IL1RAPL1: variants seen among roughly 807,000 people sequenced by gnomAD.
The protein encoded by IL1RAPL1 is interleukin-1 receptor accessory protein-like 1.
Under a neutral mutation model 48.4 loss-of-function variants are expected in IL1RAPL1, and 3 were observed. The ratio of observed to expected loss-of-function variants is 0.06; its 90% CI spans 0.03 to 0.16. IL1RAPL1 has a LOEUF of 0.16. Among genes scored for constraint, IL1RAPL1 ranks in the 10% least tolerant of loss-of-function variants. The probability of loss-of-function intolerance (pLI) is 1.00; values close to 1 mark genes in which losing one functional copy is unlikely to be tolerated. For synonymous variants in IL1RAPL1, 185 were observed against 187.7 expected (o/e 0.99, Z 0.12); for missense variants, 349 against 530.6 (o/e 0.66, Z 3.36).
At chrX:29,717,740 T>C (rs1356044729) in intron 6 of IL1RAPL1, among the ~76,000 whole-genome samples, 2 of 112,262 alleles carry the variant, frequency 1.8e-5, no homozygotes, top group Admixed American at 1.9e-4. Flanking sequence ...CAAAACCATA[T>C]GGCCCACAAA....
chrX:28,833,422 C>A (rs1842879), intron 2 of IL1RAPL1, among the ~76,000 whole-genome samples: 11,301 of 111,249 alleles, frequency 0.1, 472 homozygotes, highest in Middle Eastern at 0.26. Flanking sequence ...AGTGGCTGAG[C>A]TAATTTACAT....
chrX:29,799,278 A>G (rs1006537893), intron 6 of IL1RAPL1, among the ~76,000 whole-genome samples: 2 of 112,501 alleles, frequency 1.8e-5, no homozygotes, highest in African/African-American at 6.4e-5. Context: ...TTGAATAGCC[A>G]TAAGAGCTTT....
chrX:28,663,986 C>T (rs1258849822), intron 1 of IL1RAPL1, among the ~76,000 whole-genome samples: 2 of 112,113 alleles, frequency 1.8e-5, no homozygotes, highest in African/African-American at 6.5e-5. Flanking sequence ...GCATACATAT[C>T]ACTTTGCATC....
At chrX:28,897,419 G>C (rs890882515) in intron 2 of IL1RAPL1, among the ~76,000 whole-genome samples, 4 of 111,746 alleles carry the variant, frequency 3.6e-5, no homozygotes, top group Admixed American at 2.8e-4. Context: ...GATAAAACGC[G>C]TCTCCTGTCT....
chrX:29,681,618 A>G (rs1926452944), intron 6 of IL1RAPL1, among the ~76,000 whole-genome samples: 1 of 111,950 alleles, frequency 8.9e-6, no homozygotes, highest in African/African-American at 3.2e-5. Context: ...TTTCCACTGG[A>G]TATATGTTTG....
intron 1 of IL1RAPL1, among the ~76,000 whole-genome samples, chrX:28,605,085 A>G (rs953384803): frequency 3.6e-5 from 4 of 111,454 alleles, no homozygotes; most frequent in Non-Finnish European, 1.9e-5. Flanking sequence ...CTTTGCTGGG[A>G]AAATGCTCCA....
intron 6 of IL1RAPL1, among the ~76,000 whole-genome samples, chrX:29,856,981 A>G (rs138605496): frequency 9.0e-6 from 1 of 111,429 alleles, no homozygotes; most frequent in East Asian, 2.8e-4. Context: ...AAAGATTTGA[A>G]AATTATAGCT....
At chrX:29,216,405 G>A (rs1602116648) in intron 2 of IL1RAPL1, among the ~76,000 whole-genome samples, 1 of 110,432 alleles carries the variant, frequency 9.1e-6, no homozygotes, top group Admixed American at 9.7e-5. Flanking sequence ...ATGTTGCCTA[G>A]GCTGGTCTCA....
intron 6 of IL1RAPL1, among the ~76,000 whole-genome samples, chrX:29,894,515 T>C (rs971684195): frequency 1.5e-4 from 17 of 112,376 alleles, no homozygotes; most frequent in Admixed American, 1.0e-3. Flanking sequence ...AACGTTTTAC[T>C]TACTTTTTCA....
chrX:29,876,154 C>A (rs1412724154), intron 6 of IL1RAPL1, among the ~76,000 whole-genome samples: 1 of 111,572 alleles, frequency 9.0e-6, no homozygotes, highest in African/African-American at 3.3e-5. Context: ...TGTCATCCAG[C>A]TTTGTCTCTG....
chrX:29,095,741 T>A (rs1928199385), intron 2 of IL1RAPL1, among the ~76,000 whole-genome samples: 1 of 105,126 alleles, frequency 9.5e-6, no homozygotes, highest in Admixed American at 1.1e-4. Context: ...TGTCCTGATA[T>A]AATTTGAATT....
At chrX:29,112,396 T>A (rs1928589587) in intron 2 of IL1RAPL1, among the ~76,000 whole-genome samples, 1 of 111,574 alleles carries the variant, frequency 9.0e-6, no homozygotes, top group Non-Finnish European at 1.9e-5. Context: ...TCTTCTGTAA[T>A]GTTAATACAT....
At chrX:29,849,461 C>A (rs1167547605) in intron 6 of IL1RAPL1, among the ~76,000 whole-genome samples, 1 of 111,668 alleles carries the variant, frequency 9.0e-6, no homozygotes, top group African/African-American at 3.3e-5. Flanking sequence ...TACAATGAAA[C>A]AAGCAAATAT....
intron 5 of IL1RAPL1, among the ~76,000 whole-genome samples, chrX:29,492,517 G>C: frequency 9.0e-6 from 1 of 111,323 alleles, no homozygotes; most frequent in East Asian, 2.8e-4. Context: ...CACATTCCTT[G>C]GCTCATGGTC....
chrX:28,602,456 G>C (rs1010737817), intron 1 of IL1RAPL1, among the ~76,000 whole-genome samples: 6 of 112,234 alleles, frequency 5.3e-5, no homozygotes, highest in African/African-American at 1.9e-4. Flanking sequence ...CAGTAGGTAA[G>C]TTATGTTCTT....
intron 2 of IL1RAPL1, among the ~76,000 whole-genome samples, chrX:29,267,759 G>T (rs1207021084): frequency 9.0e-6 from 1 of 111,724 alleles, no homozygotes; most frequent in Non-Finnish European, 1.9e-5. Flanking sequence ...TCCTTGGGTG[G>T]ACTAGTTTCA....
intron 2 of IL1RAPL1, among the ~76,000 whole-genome samples, chrX:28,950,155 T>C (rs901524831): frequency 3.1e-5 from 3 of 96,134 alleles, no homozygotes; most frequent in Non-Finnish European, 4.1e-5. Context: ...GCTTTCTACA[T>C]AGGGCTAGCC....
At chrX:29,918,237 TTAAAAAA>T (rs1181016292) in intron 7 of IL1RAPL1, among the ~76,000 whole-genome samples, 2 of 77,685 alleles carry the variant, frequency 2.6e-5, no homozygotes, top group Non-Finnish European at 4.7e-5. Context: ...GACCTTTTTT[TTAAAAAA>T]AAAAAAAAAA....
At chrX:29,862,653 T>C (rs1343225288) in intron 6 of IL1RAPL1, among the ~76,000 whole-genome samples, 1 of 111,648 alleles carries the variant, frequency 9.0e-6, no homozygotes, top group Non-Finnish European at 1.9e-5. Flanking sequence ...ATTTTCATTT[T>C]ATTATTATTT....
Sources: allele counts gnomAD v4.1 joint callset (sites outside exome capture counted in the v4.1 genomes callset), GRCh38; gene constraint gnomAD v4.1.1; transcripts MANE v1.5; gene names NCBI Gene and HGNC (gene_info 2026-07-23, HGNC 2026-07-21).